HSD17B10: variants seen among roughly 807,000 people sequenced by gnomAD.
The protein encoded by HSD17B10 is 3-hydroxyacyl-CoA dehydrogenase type-2.
For synonymous variants in HSD17B10, 90 were observed against 85.9 expected, an observed-to-expected ratio of 1.05 and a Z score of -0.26; for missense variants, 87 against 219.4, an observed-to-expected ratio of 0.40 and a Z score of 3.81.
At chrX:53,432,139 C>G (rs1556894615) in intron 3 of HSD17B10, 23 bp from the exon 4 acceptor site, 1 of 1,211,257 alleles carries the variant, frequency 8.3e-7, no homozygotes, top group East Asian at 3.0e-5. Flanking sequence ...TGGAGACATG[C>G]TATAGGACCT....
intron 2 of HSD17B10, chrX:53,432,931 C>T (rs901321005): frequency 6.3e-6 from 1 of 159,282 alleles, no homozygotes; most frequent in Non-Finnish European, 1.2e-5. Flanking sequence ...CAAATCAATA[C>T]CTTCTTGATA....
At chrX:53,433,287 T>TC (rs1250757505) in intron 2 of HSD17B10, among the ~76,000 whole-genome samples, 1 of 112,035 alleles carries the variant, frequency 8.9e-6, no homozygotes, top group Non-Finnish European at 1.9e-5. Context: ...AGAGCGAGAC[T>TC]CCATCTCAAA....
intron 2 of HSD17B10, chrX:53,432,846 A>C (rs1390837761): frequency 2.9e-5 from 4 of 138,874 alleles, no homozygotes; most frequent in Middle Eastern, 2.9e-3. Context: ...ACTCTGTCCC[A>C]AAAAAAAAAA....
chrX:53,433,925 G>A (rs782202091), intron 1 of HSD17B10, 39 bp from the exon 2 acceptor site: 95 of 1,177,830 alleles, frequency 8.1e-5, no homozygotes, highest in Non-Finnish European at 1.0e-4. Context: ...CTGTTACATT[G>A]CCCAGACCAT....
rs945422307 is a variant in HSD17B10, at chrX:53,433,188, G to C, written c.192+534C>G. Among the ~76,000 whole-genome samples, 24 of 111,415 alleles carry C rather than the reference G, an allele frequency of 2.2e-4. 1 individual carries two copies. The highest frequency in any genetic ancestry group is 9.5e-5 in the Admixed American group (1 of 10,509). On this transcript the variant is annotated intron_variant, in intron 2 of 5. Coordinates refer to ENST00000168216, the MANE Select transcript of HSD17B10 (RefSeq NM_004493.3). ...CAGGTGCCTGTAATCCCAGCTACTTGGGAGGTTGAGGCAGGAAAATCGCTT... is the reference window on the plus strand; with the variant it reads ...CAGGTGCCTGTAATCCCAGCTACTTCGGAGGTTGAGGCAGGAAAATCGCTT...
intron 2 of HSD17B10, 79 bp downstream of exon 2, chrX:53,433,632 AGACCCTTATGG>A: frequency 1.1e-6 from 1 of 879,913 alleles, no homozygotes. Context: ...CCCATAGAGG[AGACCCTTATGG>A]GAGGGACCCC....
chrX:53,433,678 T>C (rs1176907545), intron 2 of HSD17B10, 44 bp downstream of exon 2: 4 of 1,160,482 alleles, frequency 3.4e-6, no homozygotes, highest in Non-Finnish European at 4.7e-6. Flanking sequence ...CCGGTGTTGG[T>C]GACCTCATGC....
chrX:53,432,421 G>A lies in HSD17B10; in HGVS notation c.193-10C>T, dbSNP rs782652873. The A allele has an allele frequency of 1.7e-6, 2 of 1,190,498 alleles. No individual in the cohort carries two copies. The highest frequency in any genetic ancestry group is 1.8e-5 in the South Asian group (1 of 56,432). On this transcript the variant is annotated splice_polypyrimidine_tract_variant and intron_variant, in intron 2 of 5. Coordinates refer to ENST00000168216, the MANE Select transcript of HSD17B10 (RefSeq NM_004493.3). The stretch of plus-strand genomic sequence containing the variant: ...CCTTCTCAGAGGTCACCTTCAAAGA[G>A]AGAAGTGGAGAAGGTATTCATCTCC...
At chrX:53,432,478 AGGGCAGGGCAGG>A (rs782060617) in intron 2 of HSD17B10, 67 bp from the exon 3 acceptor site, 38 of 888,825 alleles carry the variant, frequency 4.3e-5, no homozygotes, top group Admixed American at 8.9e-5. Context: ...AACCTGAGGG[AGGGCAGGGCAGG>A]GCATGCCCAG....
Position 53,434,022 on chromosome X carries a change from G to A in HSD17B10, c.28-136C>T, listed in dbSNP as rs1296599808. ...GTGGTCACCCCTGCGGGTAAACTAG[G>A]TGTGCTGCTTCTCCTCAGCGTTGGG... is the stretch of plus-strand genomic sequence containing the variant. On this transcript the variant is annotated intron_variant, in intron 1 of 5. Coordinates refer to ENST00000168216, the MANE Select transcript of HSD17B10 (RefSeq NM_004493.3). 2.1e-5 allele frequency: 15 copies of A among 718,131 alleles called. No homozygotes were observed. The African/African-American group carries it at 3.2e-4, about 15-fold the overall frequency. The allele number at this position is 718,131 out of a possible 1,213,427, so 59.2% of individuals were successfully genotyped here.
intron 1 of HSD17B10, 191 bp from the exon 2 acceptor site, chrX:53,434,077 A>T (rs2075835524): frequency 3.5e-6 from 2 of 564,725 alleles, no homozygotes; most frequent in Non-Finnish European, 5.9e-6. Context: ...TCTCATCCCC[A>T]GACAGCCCGT....
intron 2 of HSD17B10, 24 bp from the exon 3 acceptor site, chrX:53,432,435 G>A: frequency 8.5e-7 from 1 of 1,173,191 alleles, no homozygotes; most frequent in Non-Finnish European, 1.2e-6. Context: ...AGTGGAGAAG[G>A]TATTCATCTC....
At chrX:53,432,577 C>T (rs963586720) in intron 2 of HSD17B10, 166 bp from the exon 3 acceptor site, 14 of 497,295 alleles carry the variant, frequency 2.8e-5, no homozygotes, top group South Asian at 2.1e-4. Flanking sequence ...AGGCTGGGTG[C>T]GGTGGCTCAT....
chrX:53,432,569 G>C (rs782152126), intron 2 of HSD17B10, among the ~76,000 whole-genome samples, 158 bp from the exon 3 acceptor site: 10 of 112,269 alleles, frequency 8.9e-5, no homozygotes, highest in Non-Finnish European at 1.9e-5. Context: ...TGAGAGATAG[G>C]CTGGGTGCGG....
intron 2 of HSD17B10, chrX:53,432,723 C>T (rs2075830297): frequency 1.8e-5 from 5 of 282,974 alleles, no homozygotes; most frequent in Non-Finnish European, 3.2e-5. Flanking sequence ...TGACACATGC[C>T]TGTAATCCCA....
At chrX:53,432,657 C>T (rs2075829882) in intron 2 of HSD17B10, 3 of 392,109 alleles carry the variant, frequency 7.7e-6, no homozygotes, top group Non-Finnish European at 1.4e-5. Flanking sequence ...TGAGACCAGC[C>T]TGGCCAACGT....
intron 1 of HSD17B10, 148 bp downstream of exon 1, chrX:53,434,171 C>T: frequency 1.5e-6 from 1 of 662,818 alleles, no homozygotes; most frequent in South Asian, 2.3e-5. Context: ...GGAGTGCTGA[C>T]TTTCACCTCT....
intron 2 of HSD17B10, 119 bp downstream of exon 2, chrX:53,433,603 A>G (rs1442231479): frequency 3.0e-6 from 2 of 657,929 alleles, no homozygotes; most frequent in Non-Finnish European, 4.9e-6. Flanking sequence ...AAAAGAGACA[A>G]GGAGATGGGT....
intron 2 of HSD17B10, chrX:53,433,055 G>A (rs1015902236): frequency 1.1e-4 from 14 of 121,976 alleles, no homozygotes; most frequent in Non-Finnish European, 1.2e-4. Context: ...TTGGGAGGCC[G>A]AGGCGGGCGG....
Sources: allele counts gnomAD v4.1 joint callset (sites outside exome capture counted in the v4.1 genomes callset), GRCh38; gene constraint gnomAD v4.1.1; transcripts MANE v1.5; gene names NCBI Gene and HGNC (gene_info 2026-07-23, HGNC 2026-07-21).